DNM2: variants seen among roughly 807,000 people sequenced by gnomAD.
The protein encoded by DNM2 is dynamin 2, also known as dynamin-2.
DNM2 carries 15 observed loss-of-function variants against 99.0 expected under a neutral mutation model. The ratio of observed to expected loss-of-function variants is 0.15; its 90% CI spans 0.10 to 0.23. DNM2 has a LOEUF of 0.23. DNM2 is among the 10% of genes least tolerant of loss of function. The probability of loss-of-function intolerance (pLI) is 1.00; values close to 1 mark genes in which losing one functional copy is unlikely to be tolerated. For synonymous variants in DNM2, 525 were observed against 481.2 expected (o/e 1.09, Z -1.19); for missense variants, 742 against 1,189.4 (o/e 0.62, Z 5.53).
In DNM2 at chr19:10,798,588, C is replaced by T; in HGVS notation, c.1422+16C>T. 1 of 1,614,066 alleles carries T rather than the reference C, an allele frequency of 6.2e-7. No individual in the cohort carries two copies. Among genetic ancestry groups the T allele is most frequent in the Non-Finnish European group, 8.5e-7 (1 of 1,179,936 alleles). On this transcript the variant is annotated intron_variant, in intron 11 of 20. Coordinates refer to ENST00000389253, the MANE Select transcript of DNM2 (RefSeq NM_001005361.3). ...GAAGGACCAGGTACTGGCCTTTTGT[C>T]TTCTTTATTGGGTATAATTTACATG...
rs1264775329 is a variant in DNM2 at position 10,795,019 on chromosome 19, C to T, written c.1129-353C>T. Among the ~76,000 whole-genome samples, 5 of 152,086 alleles carry T rather than the reference C, an allele frequency of 3.3e-5. No individual in the cohort carries two copies. Among genetic ancestry groups the T allele is most frequent in the African/African-American group, 7.2e-5 (3 of 41,436 alleles). ...ACTGCAGCTTCGACCTTCCTGGGCT[C>T]GGATGATCCTCCCACCTCAGCCTCC... On this transcript the variant is annotated intron_variant, in intron 8 of 20. Coordinates refer to ENST00000389253, the MANE Select transcript of DNM2 (RefSeq NM_001005361.3). The surrounding 1 kb of genome is among the most constrained non-coding windows in gnomAD (Gnocchi z 4.2).
intron 1 of DNM2, among the ~76,000 whole-genome samples, chr19:10,742,877 G>T (rs1422167773): frequency 6.6e-6 from 1 of 151,388 alleles, no homozygotes; most frequent in Non-Finnish European, 1.5e-5. Flanking sequence ...CTGGAGCTTT[G>T]TGCAGTGCCC....
chr19:10,796,575 G>T lies in DNM2; in HGVS notation c.1197-805G>T, dbSNP rs1292542353. Among the ~76,000 whole-genome samples, 1 of 152,184 alleles carries T rather than the reference G, an allele frequency of 6.6e-6. No individual in the cohort carries two copies. Among genetic ancestry groups the T allele is most frequent in the Non-Finnish European group, 1.5e-5 (1 of 68,022 alleles). ...CTGAGCTCCTTGAAGCTCCCTGGCT[G>T]TCACCCCTTCTTGACCAATGCCCGG... On this transcript the variant is annotated intron_variant, in intron 9 of 20. Coordinates refer to ENST00000389253, the MANE Select transcript of DNM2 (RefSeq NM_001005361.3). The surrounding 1 kb of genome is among the most constrained non-coding windows in gnomAD (Gnocchi z 5.6).
rs938248310 is a variant in DNM2, at chr19:10,764,945, C to G, written c.235+5134C>G. Among the ~76,000 whole-genome samples, 3 of 151,554 alleles carry G rather than the reference C, an allele frequency of 2.0e-5. No homozygotes were observed. Among genetic ancestry groups the G allele is most frequent in the African/African-American group, 7.3e-5 (3 of 41,296 alleles). On this transcript the variant is annotated intron_variant, in intron 2 of 20. Transcript: ENST00000389253. The surrounding 1 kb of genome is among the most constrained non-coding windows in gnomAD (Gnocchi z 4.1). ...CCCCGGCAGCACGAGTTATCCTGTT[C>G]TTGTTTTTTCTTTTTCTTTTTTTTT...
At chr19:10,721,391 A>G (rs2068935956) in intron 1 of DNM2, among the ~76,000 whole-genome samples, 1 of 152,178 alleles carries the variant, frequency 6.6e-6, no homozygotes, top group Admixed American at 6.5e-5. Context: ...TCCTGACCTC[A>G]GGTGATCCGC....
chr19:10,823,935 C>A (rs1469114975), intron 17 of DNM2, 36 bp downstream of exon 17: 2 of 1,604,194 alleles, frequency 1.2e-6, no homozygotes, highest in South Asian at 2.2e-5. Flanking sequence ...GCCCAGAGCC[C>A]CCACCTGGGA....
In DNM2 at chr19:10,831,166, C is replaced by T; in HGVS notation, c.*119C>T. The T allele has an allele frequency of 2.8e-6, 4 of 1,443,318 alleles. No individual in the cohort carries two copies. In the South Asian group the frequency reaches 4.3e-5, roughly 15 times the overall value. 89.4% of individuals were successfully genotyped at this position (1,443,318 alleles called of 1,614,324 possible). On this transcript the variant is annotated 3_prime_UTR_variant, in exon 21 of 21. Transcript: ENST00000389253. This position sits in a 1 kb window ranked among gnomAD's most constrained non-coding sequence, Gnocchi z 4.3. ...CCAGGCTCCCAGTGGGCAGCCCTGG[C>T]CTCTTCCTTAACGCTGGCCCCGGTC...
intron 1 of DNM2, among the ~76,000 whole-genome samples, chr19:10,724,459 G>A (rs546144364): frequency 6.6e-6 from 1 of 152,352 alleles, no homozygotes; most frequent in East Asian, 1.9e-4. Flanking sequence ...TAACAGGCGT[G>A]AGCCACTGCG....
intron 2 of DNM2, among the ~76,000 whole-genome samples, chr19:10,767,731 C>G (rs540759051): frequency 1.2e-4 from 19 of 152,128 alleles, no homozygotes; most frequent in Non-Finnish European, 2.8e-4. Flanking sequence ...CATGGTGAAA[C>G]CTCATCTTTA....
chr19:10,725,309 G>A (rs2069076175), intron 1 of DNM2, among the ~76,000 whole-genome samples: 1 of 152,082 alleles, frequency 6.6e-6, no homozygotes, highest in Admixed American at 6.6e-5. Flanking sequence ...AGCCAGGTGT[G>A]GTGGCGCATG....
intron 1 of DNM2, among the ~76,000 whole-genome samples, chr19:10,731,032 A>C (rs1316666457): frequency 6.6e-6 from 1 of 152,090 alleles, no homozygotes; most frequent in African/African-American, 2.4e-5. Flanking sequence ...CCTGTGACAC[A>C]CTTTCGCGGT....
rs999929469 is a variant in DNM2 at position 10,759,488 on chromosome 19, CG to C, written c.162-244del. The stretch of plus-strand genomic sequence containing the variant: ...CCAGGGAATGGGCCCCCTGGGAGTA[CG>C]GGGGGTGGGGCACAGCCTGCCAGAG... On this transcript the variant is annotated intron_variant, in intron 1 of 20. Coordinates refer to ENST00000389253, the MANE Select transcript of DNM2 (RefSeq NM_001005361.3). 1.9e-5 allele frequency: 11 copies of C among 570,982 alleles called. No individual in the cohort carries two copies. The Admixed American group carries it at 2.1e-4, about 11-fold the overall frequency. 35.4% of individuals were successfully genotyped at this position (570,982 alleles called of 1,614,324 possible).
At chr19:10,760,518 A>G (rs970359706) in intron 2 of DNM2, among the ~76,000 whole-genome samples, 1 of 152,016 alleles carries the variant, frequency 6.6e-6, no homozygotes, top group African/African-American at 2.4e-5. Flanking sequence ...CCCGCATGTC[A>G]TCCACGTCCC....
At chr19:10,751,124 G>C (rs1122245) in intron 1 of DNM2, among the ~76,000 whole-genome samples, 15,396 of 151,880 alleles carry the variant, frequency 0.1, 1,205 homozygotes, top group East Asian at 0.37. Context: ...TGAGGCATGG[G>C]GGGTGGAGGT....
At chr19:10,782,209 A>G (rs2071401173) in intron 5 of DNM2, among the ~76,000 whole-genome samples, 1 of 151,364 alleles carries the variant, frequency 6.6e-6, no homozygotes, top group African/African-American at 2.4e-5. Flanking sequence ...ATTTTTGTAT[A>G]TTTTTGTAGA....
Position 10,764,112 on chromosome 19 carries a change from C to G in DNM2, c.235+4301C>G, listed in dbSNP as rs887934794. On this transcript the variant is annotated intron_variant, in intron 2 of 20. Coordinates refer to ENST00000389253, the MANE Select transcript of DNM2 (RefSeq NM_001005361.3). This position sits in a 1 kb window ranked among gnomAD's most constrained non-coding sequence, Gnocchi z 4.1. ...CCGGCGGGGCCTTGTGGGGTATACACCAGACCACGTGGCTCCTAGGGATTG... is the reference window on the plus strand; with the variant it reads ...CCGGCGGGGCCTTGTGGGGTATACAGCAGACCACGTGGCTCCTAGGGATTG... Among the ~76,000 whole-genome samples the G allele has an allele frequency of 6.6e-6, 1 of 152,172 alleles. No individual in the cohort carries two copies.
intron 11 of DNM2, among the ~76,000 whole-genome samples, chr19:10,800,802 A>G (rs2072107566): frequency 6.6e-6 from 1 of 152,248 alleles, no homozygotes; most frequent in Non-Finnish European, 1.5e-5. Flanking sequence ...CATCCTGGGC[A>G]AAAGACAAGA....
rs1418281106 is a variant in DNM2, at chr19:10,820,152, A to G, written c.1781+63A>G. On this transcript the variant is annotated intron_variant, in intron 16 of 20. Coordinates refer to ENST00000389253, the MANE Select transcript of DNM2 (RefSeq NM_001005361.3). The surrounding 1 kb of genome is among the most constrained non-coding windows in gnomAD (Gnocchi z 4.3). ...AGACCAATGGCCTCATTCACACTCC[A>G]CAACCTTCACTGAGCACTGAGCACC... 6.7e-7 allele frequency: 1 copy of G among 1,503,266 alleles called. No homozygotes were observed. Among genetic ancestry groups the G allele is most frequent in the African/African-American group, 1.4e-5 (1 of 71,852 alleles). 93.1% of individuals were successfully genotyped at this position (1,503,266 alleles called of 1,614,324 possible).
chr19:10,772,341 A>T lies in DNM2; in HGVS notation c.236-138A>T, dbSNP rs2071011463. The T allele has an allele frequency of 1.8e-6, 2 of 1,130,910 alleles. No individual in the cohort carries two copies. Among genetic ancestry groups the T allele is most frequent in the Non-Finnish European group, 2.6e-6 (2 of 761,348 alleles). The allele number at this position is 1,130,910 out of a possible 1,614,324, so 70.1% of individuals were successfully genotyped here. On this transcript the variant is annotated intron_variant, in intron 2 of 20. Coordinates refer to ENST00000389253, the MANE Select transcript of DNM2 (RefSeq NM_001005361.3). The surrounding 1 kb of genome is among the most constrained non-coding windows in gnomAD (Gnocchi z 4.9). ...TGATCTGCCCACCTCTGCCTCCCAA[A>T]GTGCTGGGATTACAGGCGTGAGCTA...
Sources: allele counts gnomAD v4.1 joint callset (sites outside exome capture counted in the v4.1 genomes callset), GRCh38; gene constraint gnomAD v4.1.1; non-coding constraint Gnocchi (gnomAD v3.1); transcripts MANE v1.5; gene names NCBI Gene and HGNC (gene_info 2026-07-23, HGNC 2026-07-21).